TET2: variants seen among roughly 807,000 people sequenced by gnomAD.
TET2 encodes tet methylcytosine dioxygenase 2, also known as methylcytosine dioxygenase TET2.
In TET2, 299 loss-of-function variants were observed where a neutral mutation model predicts 142.9. The ratio of observed to expected loss-of-function variants is 2.09; its 90% CI spans 1.90 to 2.30. The LOEUF (loss-of-function observed/expected upper bound fraction) is 2.30, where lower values mean the gene tolerates loss of function less well. TET2 is among the 30% of genes most tolerant of loss of function. TET2 has a pLI of 0.00. For missense variants in TET2, 2,418 were observed against 2,378.0 expected, an observed-to-expected ratio of 1.02 and a Z score of -0.35; for synonymous variants, 819 against 849.0, an observed-to-expected ratio of 0.96 and a Z score of 0.61.
chr4:105,163,521 A>G (rs1381979624), intron 1 of TET2, among the ~76,000 whole-genome samples: 3 of 152,188 alleles, frequency 2.0e-5, no homozygotes, highest in Admixed American at 2.0e-4. Context: ...AATAGCTACT[A>G]TTGATTAAGT....
At chr4:105,172,261 G>A (rs561270650) in intron 1 of TET2, among the ~76,000 whole-genome samples, 5 of 152,186 alleles carry the variant, frequency 3.3e-5, no homozygotes, top group Middle Eastern at 3.4e-3. Context: ...ACTACTAATA[G>A]CCTGCTGTTG....
chr4:105,160,314 A>C (rs540113944), intron 1 of TET2, among the ~76,000 whole-genome samples: 1 of 152,188 alleles, frequency 6.6e-6, no homozygotes, highest in East Asian at 1.9e-4. Flanking sequence ...TATTTTTATC[A>C]ATACAAAGCA....
intron 2 of TET2, chr4:105,190,758 A>G: frequency 2.5e-6 from 1 of 402,568 alleles, no homozygotes; most frequent in South Asian, 5.5e-5. Context: ...ATGTCTATGG[A>G]GTTTTTAAAA....
chr4:105,195,456 G>T (rs1269818247), intron 2 of TET2, among the ~76,000 whole-genome samples: 1 of 152,106 alleles, frequency 6.6e-6, no homozygotes, highest in Admixed American at 6.6e-5. Context: ...AATTACAGTT[G>T]TCCTTCAGTA....
chr4:105,192,915 T>C (rs528873884), intron 2 of TET2, among the ~76,000 whole-genome samples: 82 of 152,196 alleles, frequency 5.4e-4, no homozygotes, highest in African/African-American at 1.8e-3. Flanking sequence ...CTGATAAAGA[T>C]ATAAAAACAA....
At position 105,241,332 on chromosome 4, in the gene TET2, TC is replaced by T; in HGVS notation, c.3410-6del. 1.3e-6 allele frequency: 2 copies of T among 1,541,194 alleles called. No homozygotes were observed. Among genetic ancestry groups the T allele is most frequent in the Non-Finnish European group, 8.8e-7 (1 of 1,142,496 alleles). ...TCTAAAATAATAATCTTCTATTATC[TC>T]AACAGAGCAAATTATTGAAAAAGAT... is the stretch of plus-strand genomic sequence containing the variant. On this transcript the variant is annotated splice_polypyrimidine_tract_variant and splice_region_variant and intron_variant, in intron 3 of 10. Transcript: ENST00000380013.
intron 1 of TET2, among the ~76,000 whole-genome samples, chr4:105,148,605 A>G (rs1723151700): frequency 6.6e-6 from 1 of 152,216 alleles, no homozygotes; most frequent in South Asian, 2.1e-4. Context: ...TTGCCTGGCT[A>G]ATGAAATCAT....
chr4:105,271,082 T>A (rs1722154744), intron 9 of TET2, among the ~76,000 whole-genome samples: 1 of 152,200 alleles, frequency 6.6e-6, no homozygotes, highest in Admixed American at 6.5e-5. Flanking sequence ...CACATAGGAT[T>A]TCTGTCACAT....
At chr4:105,229,873 T>A (rs1231347300) in intron 2 of TET2, among the ~76,000 whole-genome samples, 1 of 152,126 alleles carries the variant, frequency 6.6e-6, no homozygotes, top group African/African-American at 2.4e-5. Context: ...TACTTCCATC[T>A]GAAAATATAG....
At position 105,276,390 on chromosome 4, in the gene TET2, A is replaced by G. The variant is rs1338147442; in HGVS notation, c.5880A>G (p.Ser1960=). 1 of 1,552,036 alleles carries G rather than the reference A, an allele frequency of 6.4e-7. No homozygotes were observed. The highest frequency in any genetic ancestry group is 8.7e-7 in the Non-Finnish European group (1 of 1,147,072). The change falls in exon 11 of 11, where the codon TCA becomes TCG. Residue 1960 remains serine (S), a synonymous_variant. Transcript: ENST00000380013. ...KREPAEPHET[S]EPTYLRFIKS... is the part of the protein sequence containing the mutation. ...AGCCTGCTGAGCCACATGAAACTTCAGAGCCCACTTACCTGCGTTTCATCA... is the reference window on the plus strand; with the variant it reads ...AGCCTGCTGAGCCACATGAAACTTCGGAGCCCACTTACCTGCGTTTCATCA...
chr4:105,178,776 A>T (rs1724953675), intron 1 of TET2, among the ~76,000 whole-genome samples: 1 of 152,128 alleles, frequency 6.6e-6, no homozygotes, highest in Admixed American at 6.5e-5. Flanking sequence ...TTAAAGTATA[A>T]TAATAATAAA....
In TET2 at chr4:105,270,954, G is replaced by A. The variant is rs571235770; in HGVS notation, c.4182+1207G>A. On this transcript the variant is annotated intron_variant, in intron 9 of 10. Transcript: ENST00000380013. ...ATGATAGCTGAAGTAATTTGAAGAA[G>A]CTGGTGTGAAGTTTTTGTTGAGAAG... is the stretch of plus-strand genomic sequence containing the variant. Among the ~76,000 whole-genome samples the A allele has an allele frequency of 1.4e-4, 22 of 152,222 alleles. No individual in the cohort carries two copies. The East Asian group carries it at 2.5e-3, about 17-fold the overall frequency.
chr4:105,173,363 C>CAA (rs71584289), intron 1 of TET2, among the ~76,000 whole-genome samples: 334 of 114,622 alleles, frequency 2.9e-3, no homozygotes, highest in African/African-American at 5.0e-3. Flanking sequence ...ACTAAAAATA[C>CAA]AAAAAAAAAA....
Position 105,237,040 on chromosome 4 carries a change from A to G in TET2, c.3098A>G (p.Lys1033Arg), listed in dbSNP as rs1728980398. Residue 1033 changes from lysine (K) to arginine (R), a missense_variant, in exon 3 of 11, where the codon AAG (lysine) becomes AGG (arginine). Physicochemically the swap from Lys to Arg is conservative, Grantham distance 26. Transcript: ENST00000380013. Reference sequence around the variant, plus strand: ...ATTGAGACCATGGAGCAGCATCTGAAGCAGTTTCACGCCAAGTCGTTATTT... The same window carrying G: ...ATTGAGACCATGGAGCAGCATCTGAGGCAGTTTCACGCCAAGTCGTTATTT... ...SIIETMEQHL[K>R]QFHAKSLFDH... 6.2e-7 allele frequency: 1 copy of G among 1,614,200 alleles called. No individual in the cohort carries two copies. Among genetic ancestry groups the G allele is most frequent in the Non-Finnish European group, 8.5e-7 (1 of 1,180,022 alleles).
At chr4:105,218,436 CT>C (rs1344258596) in intron 2 of TET2, among the ~76,000 whole-genome samples, 1 of 152,070 alleles carries the variant, frequency 6.6e-6, no homozygotes, top group African/African-American at 2.4e-5. Flanking sequence ...CCGTTTCGTT[CT>C]TTTAGCTTGT....
At chr4:105,165,956 C>G (rs2110396704) in intron 1 of TET2, among the ~76,000 whole-genome samples, 1 of 152,308 alleles carries the variant, frequency 6.6e-6, no homozygotes, top group Non-Finnish European at 1.5e-5. Flanking sequence ...TAATATTCTT[C>G]AATTCCAGCT....
chr4:105,233,476 T>G (rs1728633238), intron 2 of TET2, among the ~76,000 whole-genome samples: 1 of 151,486 alleles, frequency 6.6e-6, no homozygotes, highest in Non-Finnish European at 1.5e-5. Flanking sequence ...TCAAGATGAT[T>G]AAAGGAATAT....
chr4:105,243,431 A>G, intron 5 of TET2, 139 bp from the exon 6 acceptor site: 2 of 771,358 alleles, frequency 2.6e-6, no homozygotes, highest in Admixed American at 4.5e-5. Flanking sequence ...CACATTGGAC[A>G]TGCTGATAAA....
chr4:105,205,207 A>C (rs751779697), intron 2 of TET2, among the ~76,000 whole-genome samples: 1 of 152,138 alleles, frequency 6.6e-6, no homozygotes, highest in Non-Finnish European at 1.5e-5. Context: ...ATCTCAACTT[A>C]TTCTCCACTT....
Sources: gnomAD v4.1 joint callset for allele counts (sites outside exome capture counted in the v4.1 genomes callset) on GRCh38, gnomAD v4.1.1 for gene constraint, MANE v1.5 for transcripts, NCBI Gene and HGNC (gene_info 2026-07-23, HGNC 2026-07-21) for gene names.